The following EYA4 variants were observed in gnomAD, a reference collection of about 807,000 sequenced individuals.
EYA4 encodes the protein protein phosphatase EYA4.
Under a neutral mutation model 87.9 loss-of-function variants are expected in EYA4, and 31 were observed. That is an observed-to-expected ratio of 0.35 (90% CI 0.27 to 0.48). EYA4 has a LOEUF of 0.48. Ranked by LOEUF, EYA4 falls within the 20% of genes least tolerant of loss-of-function variation. EYA4 has a pLI of 0.99. For missense variants in EYA4, 678 were observed against 761.4 expected, an observed-to-expected ratio of 0.89 and a Z score of 1.29; for synonymous variants, 263 against 270.6, an observed-to-expected ratio of 0.97 and a Z score of 0.28.
At chr6:133,384,990 A>G (rs1786572635) in intron 3 of EYA4, among the ~76,000 whole-genome samples, 1 of 152,040 alleles carries the variant, frequency 6.6e-6, no homozygotes, top group Non-Finnish European at 1.5e-5. Context: ...ATATGGGTAC[A>G]TTCTTTTTTG....
intron 2 of EYA4, among the ~76,000 whole-genome samples, chr6:133,381,081 T>C (rs982378706): frequency 2.7e-5 from 4 of 145,860 alleles, no homozygotes; most frequent in Non-Finnish European, 4.5e-5. Context: ...TTTTCTTTTT[T>C]TTTTTTTTTT....
chr6:133,327,831 A>T (rs967904958), intron 2 of EYA4, among the ~76,000 whole-genome samples: 1 of 152,220 alleles, frequency 6.6e-6, no homozygotes. Context: ...GAAATGATAG[A>T]TGCTTAAAAG....
chr6:133,411,236 G>C (rs1333966325), intron 3 of EYA4, among the ~76,000 whole-genome samples: 1 of 152,146 alleles, frequency 6.6e-6, no homozygotes, highest in Non-Finnish European at 1.5e-5. Context: ...AAGACACTGT[G>C]GGGGAAGGTT....
chr6:133,381,498 A>T (rs1786217674), intron 2 of EYA4, among the ~76,000 whole-genome samples: 1 of 150,898 alleles, frequency 6.6e-6, no homozygotes. Context: ...ATTCAGTAGA[A>T]TTTTTTTTTG....
intron 3 of EYA4, among the ~76,000 whole-genome samples, chr6:133,400,509 A>G (rs1413105971): frequency 6.8e-6 from 1 of 147,400 alleles, no homozygotes; most frequent in Non-Finnish European, 1.5e-5. Flanking sequence ...CTCTGTCTTG[A>G]AAAAAAAAAA....
intron 11 of EYA4, among the ~76,000 whole-genome samples, chr6:133,480,401 C>CTAGA (rs1796102039): frequency 6.6e-6 from 1 of 152,060 alleles, no homozygotes; most frequent in African/African-American, 2.4e-5. Context: ...GGAACTGAAG[C>CTAGA]TAGATTATGA....
At chr6:133,273,098 T>TATATATATATATATATATATAC (rs1554213959) in intron 1 of EYA4, among the ~76,000 whole-genome samples, 2 of 83,088 alleles carry the variant, frequency 2.4e-5, no homozygotes, top group African/African-American at 1.5e-4. Context: ...TATATATATG[T>TATATATATATATATATATATAC]ATATATATAT....
chr6:133,331,027 G>GGTTT (rs752905039), intron 2 of EYA4, among the ~76,000 whole-genome samples: 18 of 113,680 alleles, frequency 1.6e-4, no homozygotes, highest in African/African-American at 6.5e-4. Context: ...AACCAAACGG[G>GGTTT]TTTTTTTTTT....
chr6:133,267,768 A>G (rs2128251840), intron 1 of EYA4, among the ~76,000 whole-genome samples: 1 of 152,304 alleles, frequency 6.6e-6, no homozygotes, highest in African/African-American at 2.4e-5. Context: ...CACTGCAAAG[A>G]TGAGGCTGTT....
chr6:133,413,833 G>A (rs1346513077), intron 3 of EYA4, among the ~76,000 whole-genome samples: 1 of 152,062 alleles, frequency 6.6e-6, no homozygotes, highest in Non-Finnish European at 1.5e-5. Flanking sequence ...AACATGTCCA[G>A]AATTGAACTC....
At chr6:133,385,437 G>C (rs1174564145) in intron 3 of EYA4, among the ~76,000 whole-genome samples, 1 of 132,846 alleles carries the variant, frequency 7.5e-6, no homozygotes, top group African/African-American at 2.7e-5. Context: ...GTGTGTGTGT[G>C]TGTGAGAGAG....
intron 13 of EYA4, among the ~76,000 whole-genome samples, chr6:133,500,702 C>T (rs1422789547): frequency 6.6e-6 from 1 of 152,184 alleles, no homozygotes; most frequent in African/African-American, 2.4e-5. Flanking sequence ...CGTGCTCCCT[C>T]ACCTACCCAA....
chr6:133,490,183 A>G (rs1435622797), intron 13 of EYA4, among the ~76,000 whole-genome samples: 1 of 152,166 alleles, frequency 6.6e-6, no homozygotes, highest in African/African-American at 2.4e-5. Flanking sequence ...TACACCAAAA[A>G]TACAAAGCAA....
chr6:133,512,675 C>G (rs1324269697), intron 14 of EYA4, 46 bp from the exon 15 acceptor site: 1 of 1,439,806 alleles, frequency 6.9e-7, no homozygotes, highest in Non-Finnish European at 9.8e-7. Flanking sequence ...AGCATGGTAA[C>G]AAGCATCATT....
chr6:133,499,848 C>T (rs1339464106), intron 13 of EYA4, among the ~76,000 whole-genome samples: 2 of 151,966 alleles, frequency 1.3e-5, no homozygotes, highest in East Asian at 1.9e-4. Context: ...ACTCAGTGAT[C>T]ACGCTGGCTC....
chr6:133,530,183 A>G lies in EYA4; in HGVS notation c.*1378A>G. 1 of 985,438 alleles carries G rather than the reference A, an allele frequency of 1.0e-6. No individual in the cohort carries two copies. Among genetic ancestry groups the G allele is most frequent in the Non-Finnish European group, 1.2e-6 (1 of 829,900 alleles). 61.0% of individuals were successfully genotyped at this position (985,438 alleles called of 1,614,324 possible). ...TCTTGGCAGCGCTGCTGAAATGACA[A>G]CAGTAAAATAATACCTGGTTCTCCA... On this transcript the variant is annotated 3_prime_UTR_variant, in exon 20 of 20. Transcript: ENST00000355286.
Position 133,496,706 on chromosome 6 carries a change from G to T in EYA4, c.1192-9400G>T, listed in dbSNP as rs368147656. Among the ~76,000 whole-genome samples the T allele has an allele frequency of 8.4e-4, 128 of 152,272 alleles. 4 individuals are homozygous for T. In the South Asian group the frequency reaches 0.026, roughly 31 times the overall value. ...TAATTCATTTCCTTCCAGGGGTTACGGGGTGGCTTAAATGAGATAATGTAC... is the reference window on the plus strand; with the variant it reads ...TAATTCATTTCCTTCCAGGGGTTACTGGGTGGCTTAAATGAGATAATGTAC... On this transcript the variant is annotated intron_variant, in intron 13 of 19. Coordinates refer to ENST00000355286, the MANE Select transcript of EYA4 (RefSeq NM_004100.5).
chr6:133,248,227 A>T (rs1005181116), intron 1 of EYA4: 5 of 152,258 alleles, frequency 3.3e-5, no homozygotes, highest in African/African-American at 1.2e-4. Context: ...ACATGACTTT[A>T]GATTTTCACG....
At chr6:133,418,572 A>G (rs1407239089) in intron 3 of EYA4, among the ~76,000 whole-genome samples, 2 of 152,240 alleles carry the variant, frequency 1.3e-5, no homozygotes, top group Non-Finnish European at 2.9e-5. Context: ...CACAAATATT[A>G]AACTATACAT....
Sources: allele counts gnomAD v4.1 joint callset (sites outside exome capture counted in the v4.1 genomes callset), GRCh38; gene constraint gnomAD v4.1.1; transcripts MANE v1.5; gene names NCBI Gene and HGNC (gene_info 2026-07-23, HGNC 2026-07-21).